The following TRAPPC12 variants were observed in gnomAD, a reference collection of about 807,000 sequenced individuals.
The protein encoded by TRAPPC12 is trafficking protein particle complex subunit 12.
TRAPPC12 carries 61 observed loss-of-function variants against 69.2 expected under a neutral mutation model. The ratio of observed to expected loss-of-function variants is 0.88; its 90% CI spans 0.72 to 1.09. TRAPPC12 has a LOEUF of 1.09. TRAPPC12 is among the 50% of genes least tolerant of loss of function. The pLI, the probability that TRAPPC12 is intolerant of heterozygous loss-of-function variation, is 0.00. For synonymous variants in TRAPPC12, 469 were observed against 438.9 expected, an observed-to-expected ratio of 1.07 and a Z score of -0.86; for missense variants, 1,101 against 1,016.4, an observed-to-expected ratio of 1.08 and a Z score of -1.13.
chr2:3,410,641 G>A (rs998009569), intron 3 of TRAPPC12, among the ~76,000 whole-genome samples: 16 of 152,146 alleles, frequency 1.1e-4, no homozygotes, highest in Admixed American at 7.9e-4. Context: ...TGTCTTACTT[G>A]TTTAAAAAAT....
intron 1 of TRAPPC12, among the ~76,000 whole-genome samples, 196 bp from the exon 2 acceptor site, chr2:3,387,424 A>G (rs1480244748): frequency 1.3e-5 from 2 of 152,256 alleles, no homozygotes; most frequent in Non-Finnish European, 2.9e-5. Flanking sequence ...TTGGTTGCAC[A>G]GAAATGTAGA....
chr2:3,421,998 A>G lies in TRAPPC12; in HGVS notation c.1278+4A>G, dbSNP rs1387538237. The G allele has an allele frequency of 6.2e-7, 1 of 1,608,360 alleles. No homozygotes were observed. The highest frequency in any genetic ancestry group is 8.5e-7 in the Non-Finnish European group (1 of 1,177,322). ...CCACACGACAGATTCACTGCAGGTG[A>G]GAACACCTTTCAGGTGCTGGAGTTT... On this transcript the variant is annotated splice_donor_region_variant and intron_variant, in intron 4 of 11. Transcript: ENST00000324266.
chr2:3,421,347 G>A (rs1039479702), intron 3 of TRAPPC12, among the ~76,000 whole-genome samples: 1 of 152,166 alleles, frequency 6.6e-6, no homozygotes, highest in Non-Finnish European at 1.5e-5. Context: ...ATTGCCACAC[G>A]GGCCTGGAAC....
chr2:3,450,076 C>T (rs1664771660), intron 6 of TRAPPC12, among the ~76,000 whole-genome samples: 1 of 152,114 alleles, frequency 6.6e-6, no homozygotes, highest in Non-Finnish European at 1.5e-5. Flanking sequence ...GAAATTCACA[C>T]CTTCAGAAAC....
At chr2:3,438,544 C>G (rs1462055902) in intron 5 of TRAPPC12, among the ~76,000 whole-genome samples, 1 of 139,738 alleles carries the variant, frequency 7.2e-6, no homozygotes. Flanking sequence ...TTAATCCCCA[C>G]CACCCGTGGA....
At chr2:3,451,690 A>AT (rs757037870) in intron 6 of TRAPPC12, among the ~76,000 whole-genome samples, 7 of 151,904 alleles carry the variant, frequency 4.6e-5, no homozygotes, top group Non-Finnish European at 8.8e-5. Flanking sequence ...AGCCTGGCTA[A>AT]TTTTTAAACT....
At chr2:3,415,779 C>T (rs1395726734) in intron 3 of TRAPPC12, among the ~76,000 whole-genome samples, 7 of 147,832 alleles carry the variant, frequency 4.7e-5, no homozygotes, top group Non-Finnish European at 7.4e-5. Flanking sequence ...TACAGTGGTG[C>T]GATCTCAGCT....
At chr2:3,438,203 TGGATTCATCCCCCACC>T (rs1483282445) in intron 5 of TRAPPC12, among the ~76,000 whole-genome samples, 1 of 64,606 alleles carries the variant, frequency 1.5e-5, no homozygotes, top group East Asian at 5.5e-4. Context: ...CCACCACCCC[TGGATTCATCCCCCACC>T]ACCCCTGGAT....
chr2:3,442,611 C>G (rs1288505254), intron 5 of TRAPPC12, among the ~76,000 whole-genome samples: 2 of 152,190 alleles, frequency 1.3e-5, no homozygotes, highest in Non-Finnish European at 2.9e-5. Flanking sequence ...ATAATTGTTA[C>G]CTTTCTTTTC....
At chr2:3,435,134 T>A (rs930995947) in intron 5 of TRAPPC12, among the ~76,000 whole-genome samples, 2 of 152,292 alleles carry the variant, frequency 1.3e-5, no homozygotes, top group African/African-American at 4.8e-5. Context: ...TGCCTCAGCC[T>A]CCCGAGTAGC....
intron 3 of TRAPPC12, among the ~76,000 whole-genome samples, chr2:3,406,190 G>A (rs1435621410): frequency 6.6e-6 from 1 of 152,112 alleles, no homozygotes; most frequent in Non-Finnish European, 1.5e-5. Context: ...ACATGGTCAC[G>A]CAACATACAC....
chr2:3,470,843 G>A (rs1666029404), intron 9 of TRAPPC12, among the ~76,000 whole-genome samples: 1 of 152,162 alleles, frequency 6.6e-6, no homozygotes, highest in African/African-American at 2.4e-5. Flanking sequence ...GACACCTTTG[G>A]GAAAACGTGC....
At chr2:3,400,451 G>T (rs919882822) in intron 2 of TRAPPC12, among the ~76,000 whole-genome samples, 5 of 151,922 alleles carry the variant, frequency 3.3e-5, no homozygotes, top group African/African-American at 1.2e-4. Context: ...TTCCCCCTGG[G>T]CTGCTCTATC....
chr2:3,474,841 G>T (rs989655703), intron 9 of TRAPPC12, among the ~76,000 whole-genome samples: 1 of 152,106 alleles, frequency 6.6e-6, no homozygotes, highest in African/African-American at 2.4e-5. Context: ...TGTGCTGTGT[G>T]CTTTTCCTAA....
intron 6 of TRAPPC12, among the ~76,000 whole-genome samples, chr2:3,451,384 C>T (rs1664841960): frequency 6.6e-6 from 1 of 152,252 alleles, no homozygotes; most frequent in Non-Finnish European, 1.5e-5. Context: ...TTCAGCCTTA[C>T]AGCTGTTCCA....
intron 9 of TRAPPC12, among the ~76,000 whole-genome samples, chr2:3,476,582 T>C (rs1198873806): frequency 6.6e-6 from 1 of 152,244 alleles, no homozygotes; most frequent in Non-Finnish European, 1.5e-5. Context: ...GTGTAAATGC[T>C]TTGAACAAAG....
chr2:3,426,782 A>C (rs553987994), intron 5 of TRAPPC12, among the ~76,000 whole-genome samples: 68 of 152,278 alleles, frequency 4.5e-4, no homozygotes, highest in African/African-American at 1.6e-3. Flanking sequence ...CCCCGGAGCA[A>C]GTCTCGTCTA....
At chr2:3,454,385 T>G (rs1215349192) in intron 6 of TRAPPC12, among the ~76,000 whole-genome samples, 17 of 148,816 alleles carry the variant, frequency 1.1e-4, no homozygotes, top group African/African-American at 4.3e-4. Flanking sequence ...GTCCTACCCC[T>G]GCGCCTTCCC....
intron 3 of TRAPPC12, among the ~76,000 whole-genome samples, chr2:3,408,535 G>A (rs1410611230): frequency 6.6e-6 from 1 of 152,110 alleles, no homozygotes; most frequent in Non-Finnish European, 1.5e-5. Flanking sequence ...GCTGAGGCAG[G>A]AGGATCACCT....
Sources: gnomAD v4.1 joint callset for allele counts (sites outside exome capture counted in the v4.1 genomes callset) on GRCh38, gnomAD v4.1.1 for gene constraint, MANE v1.5 for transcripts, NCBI Gene and HGNC (gene_info 2026-07-23, HGNC 2026-07-21) for gene names.